STK32A: variants seen among roughly 807,000 people sequenced by gnomAD.
STK32A encodes serine/threonine kinase 32A.
Under a neutral mutation model 53.2 loss-of-function variants are expected in STK32A, and 41 were observed. The observed-to-expected ratio is 0.77, with a 90% confidence interval of 0.60 to 1.00. STK32A has a LOEUF of 1.00. STK32A is among the 50% of genes least tolerant of loss of function. STK32A has a pLI of 0.00. For synonymous variants in STK32A, 166 were observed against 162.8 expected (o/e 1.02, Z -0.15); for missense variants, 458 against 485.8 (o/e 0.94, Z 0.54).
intron 6 of STK32A, among the ~76,000 whole-genome samples, chr5:147,348,222 C>T (rs1035490003): frequency 3.3e-5 from 5 of 152,136 alleles, no homozygotes; most frequent in African/African-American, 4.8e-5. Context: ...TGTGCAACAA[C>T]ATTTTGAAAA....
chr5:147,292,028 C>T (rs1752622922), intron 4 of STK32A, among the ~76,000 whole-genome samples: 1 of 152,172 alleles, frequency 6.6e-6, no homozygotes, highest in Non-Finnish European at 1.5e-5. Flanking sequence ...ATCAAACTGC[C>T]TGTAGCATCT....
chr5:147,338,223 G>A (rs530692282), intron 5 of STK32A, among the ~76,000 whole-genome samples: 1 of 152,202 alleles, frequency 6.6e-6, no homozygotes, highest in South Asian at 2.1e-4. Flanking sequence ...TTCCAATGCT[G>A]TTCTTGTGAT....
At chr5:147,341,530 C>G (rs571761441) in intron 5 of STK32A, among the ~76,000 whole-genome samples, 1 of 152,306 alleles carries the variant, frequency 6.6e-6, no homozygotes, top group East Asian at 1.9e-4. Context: ...GGCTGGAGTG[C>G]AATGGCTAGT....
At chr5:147,396,543 G>A in the STK32A span, among the ~76,000 whole-genome samples, 1 of 152,176 alleles carries the variant, frequency 6.6e-6, no homozygotes, top group African/African-American at 2.4e-5. Flanking sequence ...ATCATCACAA[G>A]AAGTCCTGTC....
At chr5:147,287,804 C>A (rs111336411) in intron 4 of STK32A, among the ~76,000 whole-genome samples, 1 of 152,098 alleles carries the variant, frequency 6.6e-6, no homozygotes, top group African/African-American at 2.4e-5. Flanking sequence ...ACTTCACAAC[C>A]TCCCTTTGTT....
At chr5:147,235,245 T>A (rs1753261413) in intron 1 of STK32A, 46 bp downstream of exon 1, 1 of 152,306 alleles carries the variant, frequency 6.6e-6, no homozygotes, top group Non-Finnish European at 1.5e-5. Context: ...TAAACCTGCA[T>A]ACTAAGGGTA....
chr5:147,323,873 GT>G (rs1462091862), intron 4 of STK32A, 24 bp from the exon 5 acceptor site: 32 of 1,593,196 alleles, frequency 2.0e-5, no homozygotes, highest in Non-Finnish European at 2.7e-5. Flanking sequence ...TATTTGATAA[GT>G]TTTCTCTTCT....
At chr5:147,299,869 C>G (rs1316884315) in intron 4 of STK32A, among the ~76,000 whole-genome samples, 1 of 152,160 alleles carries the variant, frequency 6.6e-6, no homozygotes, top group Non-Finnish European at 1.5e-5. Context: ...TGATAATGAG[C>G]CAGGCAGCTA....
At chr5:147,279,497 TC>T in intron 4 of STK32A, 99 bp downstream of exon 4, 1 of 1,067,974 alleles carries the variant, frequency 9.4e-7, no homozygotes, top group Non-Finnish European at 1.3e-6. Context: ...CTGGCTGGTA[TC>T]CAGGCTCTTG....
intron 2 of STK32A, 30 bp from the exon 3 acceptor site, chr5:147,278,094 C>T (rs771805924): frequency 1.4e-5 from 21 of 1,546,548 alleles, no homozygotes; most frequent in Non-Finnish European, 1.7e-5. Flanking sequence ...TTGATAATTA[C>T]TCATGATATT....
At chr5:147,279,202 C>T (rs1262691657) in intron 3 of STK32A, 45 bp from the exon 4 acceptor site, 1 of 1,556,732 alleles carries the variant, frequency 6.4e-7, no homozygotes. Flanking sequence ...TCACCATGAT[C>T]CATTATCTCC....
Position 147,241,462 on chromosome 5 carries a change from G to T in STK32A, c.52+1776G>T, listed in dbSNP as rs375396440. ...CCACTGCACTCCAGCCTGGGCGACA[G>T]AGCGAGACTCCATCTCAAAACAAAC... On this transcript the variant is annotated intron_variant, in intron 2 of 12. Transcript: ENST00000397936. Among the ~76,000 whole-genome samples the T allele has an allele frequency of 4.6e-5, 7 of 151,250 alleles. No individual in the cohort carries two copies. In the East Asian group the frequency reaches 1.2e-3, roughly 25 times the overall value.
At chr5:147,353,220 C>G (rs1756066966) in intron 7 of STK32A, among the ~76,000 whole-genome samples, 1 of 152,210 alleles carries the variant, frequency 6.6e-6, no homozygotes, top group South Asian at 2.1e-4. Flanking sequence ...CAGATCAATC[C>G]TCCACCTCCA....
intron 4 of STK32A, among the ~76,000 whole-genome samples, chr5:147,286,378 T>G (rs1237275184): frequency 6.6e-6 from 1 of 152,054 alleles, no homozygotes; most frequent in Non-Finnish European, 1.5e-5. Context: ...ACTAAAGAAC[T>G]TACCCATGTA....
At chr5:147,399,369 T>C in the STK32A span, 75 of 1,231,344 alleles carry the variant, frequency 6.1e-5, 1 homozygote, top group South Asian at 1.2e-3. Context: ...AGGAGCCACC[T>C]GAAAAGCTGG....
chr5:147,266,972 G>A (rs917255661), intron 2 of STK32A, among the ~76,000 whole-genome samples: 4 of 151,026 alleles, frequency 2.6e-5, no homozygotes, highest in Non-Finnish European at 4.4e-5. Flanking sequence ...GTGGTGAGCC[G>A]AGATTGTGCC....
At chr5:147,254,092 CT>C (rs1754118667) in intron 2 of STK32A, among the ~76,000 whole-genome samples, 1 of 152,134 alleles carries the variant, frequency 6.6e-6, no homozygotes. Flanking sequence ...AATTTTCCTT[CT>C]AAGGACACCA....
intron 3 of STK32A, among the ~76,000 whole-genome samples, chr5:147,278,524 T>C (rs991650509): frequency 2.6e-5 from 4 of 152,178 alleles, no homozygotes; most frequent in East Asian, 1.9e-4. Flanking sequence ...GTTATCTTGT[T>C]TATGGAAGAG....
chr5:147,328,249 T>C (rs1370088516), intron 5 of STK32A, among the ~76,000 whole-genome samples: 1 of 151,764 alleles, frequency 6.6e-6, no homozygotes, highest in Non-Finnish European at 1.5e-5. Context: ...CTTTTTAAAA[T>C]TTTGTTTTCA....
Sources: gnomAD v4.1 joint callset for allele counts (sites outside exome capture counted in the v4.1 genomes callset) on GRCh38, gnomAD v4.1.1 for gene constraint, MANE v1.5 for transcripts, NCBI Gene and HGNC (gene_info 2026-07-23, HGNC 2026-07-21) for gene names.